Variants in FER observed in about 807,000 individuals in gnomAD.
The protein encoded by FER is tyrosine-protein kinase Fer.
FER carries 63 observed loss-of-function variants against 111.0 expected under a neutral mutation model. The ratio of observed to expected loss-of-function variants is 0.57; its 90% CI spans 0.46 to 0.70. The LOEUF (loss-of-function observed/expected upper bound fraction) is 0.70, where lower values mean the gene tolerates loss of function less well. FER is among the 30% of genes least tolerant of loss of function. The probability of loss-of-function intolerance (pLI) is 0.00; values close to 1 mark genes in which losing one functional copy is unlikely to be tolerated. For missense variants in FER, 914 were observed against 954.0 expected (o/e 0.96, Z 0.55); for synonymous variants, 327 against 313.9 (o/e 1.04, Z -0.44).
At chr5:108,932,153 T>C (rs1419079031) in intron 10 of FER, among the ~76,000 whole-genome samples, 11 of 152,162 alleles carry the variant, frequency 7.2e-5, no homozygotes, top group Admixed American at 3.9e-4. Context: ...GTATTTCTCC[T>C]AATGCTATCC....
At chr5:109,176,047 T>C (rs569804042) in intron 17 of FER, among the ~76,000 whole-genome samples, 391 of 152,236 alleles carry the variant, frequency 2.6e-3, no homozygotes, top group African/African-American at 8.8e-3. Flanking sequence ...GAAGCTCTTA[T>C]ACACTGTTGG....
At chr5:108,865,468 A>G (rs1476818941) in intron 5 of FER, among the ~76,000 whole-genome samples, 1 of 152,184 alleles carries the variant, frequency 6.6e-6, no homozygotes, top group Non-Finnish European at 1.5e-5. Flanking sequence ...TTAGACCTAA[A>G]ACCATAAAAA....
intron 17 of FER, among the ~76,000 whole-genome samples, chr5:109,157,396 C>G (rs1159385663): frequency 6.6e-6 from 1 of 152,054 alleles, no homozygotes; most frequent in Non-Finnish European, 1.5e-5. Flanking sequence ...AATTCTACTC[C>G]CTTTGCTCTG....
At chr5:109,142,811 ACTC>A (rs1753669782) in intron 17 of FER, among the ~76,000 whole-genome samples, 1 of 151,898 alleles carries the variant, frequency 6.6e-6, no homozygotes, top group African/African-American at 2.4e-5. Context: ...TTAGCATTGA[ACTC>A]CTTCTTCTGT....
intron 13 of FER, among the ~76,000 whole-genome samples, chr5:108,963,594 C>T (rs551487457): frequency 3.3e-5 from 5 of 151,992 alleles, no homozygotes; most frequent in South Asian, 2.1e-4. Flanking sequence ...ACAAAATGTA[C>T]GTTAGATAGG....
Position 108,995,702 on chromosome 5 carries a change from T to C in FER, c.1656+36355T>C, listed in dbSNP as rs568734205. Among the ~76,000 whole-genome samples, 49 of 152,314 alleles carry C rather than the reference T, an allele frequency of 3.2e-4. No individual in the cohort carries two copies. The South Asian group carries it at 0.01, about 32-fold the overall frequency. On this transcript the variant is annotated intron_variant, in intron 13 of 19. Transcript: ENST00000281092. ...TGGGTTGGTTCCAAGTCTTTGCTAT[T>C]GTGAACAGTGCTGCAATAAAACATA...
rs1760199681 is a variant in FER at position 108,832,916 on chromosome 5, T to G, written c.354T>G (p.His118Gln). Residue 118 changes from histidine to glutamine, a missense_variant, in exon 4 of 20, where the codon CAT becomes CAG. Physicochemically the swap from His to Gln is conservative, Grantham distance 24 (BLOSUM62 0). Around this residue, in one of 3 missense-constraint regions of FER, gnomAD observed 774 missense variants for 782.6 expected, o/e 0.99. Coordinates refer to ENST00000281092, the MANE Select transcript of FER (RefSeq NM_005246.4). The part of the protein sequence containing the change: ...QQVKKSYIGV[H>Q]QQIEAEMIKV... The stretch of plus-strand genomic sequence containing the variant: ...TGAAGAAAAGTTACATAGGTGTTCA[T>G]CAGCAGATAGAGGCAGAGATGATCA... 1 of 1,598,740 alleles carries G rather than the reference T, an allele frequency of 6.3e-7. No homozygotes were observed. The highest frequency in any genetic ancestry group is 1.3e-5 in the African/African-American group (1 of 74,314).
chr5:108,963,803 G>A (rs1759449567), intron 13 of FER, among the ~76,000 whole-genome samples: 1 of 152,148 alleles, frequency 6.6e-6, no homozygotes, highest in Admixed American at 6.6e-5. Context: ...ATCAGACACT[G>A]CAAAGGACAG....
At chr5:108,779,435 T>G (rs1401404984) in intron 2 of FER, among the ~76,000 whole-genome samples, 1 of 152,202 alleles carries the variant, frequency 6.6e-6, no homozygotes, top group Non-Finnish European at 1.5e-5. Context: ...ATGGAATATC[T>G]CTTCATTTAT....
At chr5:108,814,723 A>G (rs916179108) in intron 3 of FER, among the ~76,000 whole-genome samples, 9 of 152,174 alleles carry the variant, frequency 5.9e-5, no homozygotes, top group African/African-American at 2.2e-4. Flanking sequence ...CTGGGCATGC[A>G]GCTCAGCAAG....
intron 10 of FER, among the ~76,000 whole-genome samples, chr5:108,909,166 T>A (rs1485572495): frequency 6.6e-6 from 1 of 152,218 alleles, no homozygotes; most frequent in Non-Finnish European, 1.5e-5. Context: ...TTTTGATAAT[T>A]ATTTTATGAC....
intron 1 of FER, among the ~76,000 whole-genome samples, chr5:108,758,338 T>A (rs999427788): frequency 2.6e-5 from 4 of 152,234 alleles, no homozygotes; most frequent in Non-Finnish European, 4.4e-5. Flanking sequence ...GTAATAGCTG[T>A]ATGAATTTAG....
At chr5:108,966,535 G>A (rs531948687) in intron 13 of FER, among the ~76,000 whole-genome samples, 2 of 151,620 alleles carry the variant, frequency 1.3e-5, no homozygotes, top group East Asian at 1.9e-4. Flanking sequence ...TTACAGGCAC[G>A]TGCCACCACG....
chr5:109,053,564 T>C (rs1413635360), intron 16 of FER, among the ~76,000 whole-genome samples: 1 of 117,632 alleles, frequency 8.5e-6, no homozygotes. Flanking sequence ...TTAGCATTTC[T>C]CAGAACTCTT....
intron 1 of FER, among the ~76,000 whole-genome samples, chr5:108,759,724 A>C (rs1411042981): frequency 1.3e-5 from 2 of 152,234 alleles, no homozygotes; most frequent in African/African-American, 2.4e-5. Context: ...AGAAGAGAAG[A>C]GAACACATTC....
chr5:109,070,459 T>C (rs1196514412), intron 16 of FER, among the ~76,000 whole-genome samples: 10 of 151,896 alleles, frequency 6.6e-5, no homozygotes, highest in Admixed American at 6.6e-4. Context: ...TTGGAAATAC[T>C]AATGAAAGAA....
chr5:108,986,633 A>C (rs1466095729), intron 13 of FER, among the ~76,000 whole-genome samples: 1 of 152,106 alleles, frequency 6.6e-6, no homozygotes, highest in African/African-American at 2.4e-5. Flanking sequence ...TAAGGTGAGA[A>C]ATGAGGATCC....
chr5:108,805,791 C>G (rs906547224), intron 3 of FER, among the ~76,000 whole-genome samples: 1 of 152,082 alleles, frequency 6.6e-6, no homozygotes, highest in African/African-American at 2.4e-5. Context: ...GCAAAGCACT[C>G]AAGAGGTGAC....
intron 3 of FER, among the ~76,000 whole-genome samples, chr5:108,826,291 C>T (rs986777665): frequency 2.6e-5 from 4 of 152,194 alleles, no homozygotes; most frequent in Admixed American, 2.6e-4. Flanking sequence ...CCCACTTGCC[C>T]ACTTGGTCAT....
Sources: allele counts gnomAD v4.1 joint callset (sites outside exome capture counted in the v4.1 genomes callset), GRCh38; gene constraint gnomAD v4.1.1; regional missense constraint gnomAD v4.1.1; transcripts MANE v1.5; gene names NCBI Gene and HGNC (gene_info 2026-07-23, HGNC 2026-07-21).